TTC29: variants seen among roughly 807,000 people sequenced by gnomAD.
TTC29 encodes the protein tetratricopeptide repeat protein 29.
Under a neutral mutation model 58.1 loss-of-function variants are expected in TTC29, and 49 were observed. That is an observed-to-expected ratio of 0.84 (90% CI 0.67 to 1.07). The LOEUF (loss-of-function observed/expected upper bound fraction) is 1.07, where lower values mean the gene tolerates loss of function less well. Ranked by LOEUF, TTC29 falls within the 50% of genes least tolerant of loss-of-function variation. The probability of loss-of-function intolerance (pLI) is 0.00; values close to 1 mark genes in which losing one functional copy is unlikely to be tolerated. For synonymous variants in TTC29, 209 were observed against 196.8 expected (o/e 1.06, Z -0.52); for missense variants, 582 against 555.6 (o/e 1.05, Z -0.48).
At chr4:146,767,501 T>G (rs1337859932) in intron 11 of TTC29, among the ~76,000 whole-genome samples, 2 of 152,020 alleles carry the variant, frequency 1.3e-5, no homozygotes, top group African/African-American at 4.8e-5. Context: ...CAAAATGCCT[T>G]AATTTAGTGG....
intron 6 of TTC29, among the ~76,000 whole-genome samples, chr4:146,883,898 A>G (rs1189168066): frequency 6.6e-6 from 1 of 152,152 alleles, no homozygotes; most frequent in Non-Finnish European, 1.5e-5. Context: ...AAGCAATGAA[A>G]TAATTCATTT....
At chr4:146,937,784 A>G in intron 3 of TTC29, 107 bp from the exon 4 acceptor site, 1 of 588,682 alleles carries the variant, frequency 1.7e-6, no homozygotes. Context: ...GTATAATACC[A>G]TATGTAATAA....
rs554417225 is a variant in TTC29 at position 146,874,696 on chromosome 4, G to A, written c.799+20C>T. The A allele has an allele frequency of 1.0e-5, 16 of 1,565,402 alleles. No individual in the cohort carries two copies. In the South Asian group the frequency reaches 1.7e-4, roughly 17 times the overall value. On this transcript the variant is annotated intron_variant, in intron 7 of 12. Transcript: ENST00000325106. ...CTACCCATTAAAGAAAGCAATGTGA[G>A]AGAGTTCTTTTCCACCCACCTTCTT...
At chr4:146,768,861 C>T (rs1015063941) in intron 11 of TTC29, among the ~76,000 whole-genome samples, 1 of 151,842 alleles carries the variant, frequency 6.6e-6, no homozygotes, top group African/African-American at 2.4e-5. Context: ...TATTAATCCC[C>T]TTTATATTCA....
intron 10 of TTC29, among the ~76,000 whole-genome samples, chr4:146,804,013 G>A (rs1419227564): frequency 1.3e-5 from 2 of 152,190 alleles, no homozygotes; most frequent in Non-Finnish European, 1.5e-5. Flanking sequence ...CAACACAGAA[G>A]GCAGGTGATT....
intron 6 of TTC29, among the ~76,000 whole-genome samples, chr4:146,899,755 T>A (rs1433635556): frequency 1.3e-5 from 2 of 152,218 alleles, no homozygotes; most frequent in Non-Finnish European, 2.9e-5. Flanking sequence ...CTTCTGCTCA[T>A]GTTCCTCATT....
At chr4:146,797,018 T>G (rs1749878575) in intron 11 of TTC29, among the ~76,000 whole-genome samples, 1 of 151,984 alleles carries the variant, frequency 6.6e-6, no homozygotes, top group Admixed American at 6.5e-5. Context: ...AAGGTCAAAA[T>G]TAAAAACAAA....
intron 11 of TTC29, among the ~76,000 whole-genome samples, chr4:146,778,593 T>C (rs1268933873): frequency 6.6e-6 from 1 of 152,178 alleles, no homozygotes; most frequent in African/African-American, 2.4e-5. Context: ...CTGTATTAAG[T>C]ACATCATATT....
intron 6 of TTC29, among the ~76,000 whole-genome samples, chr4:146,891,054 G>A (rs979898603): frequency 2.4e-4 from 36 of 152,044 alleles, no homozygotes; most frequent in Admixed American, 2.1e-3. Flanking sequence ...AAACCAGACT[G>A]ACAACAGCAA....
Position 146,763,620 on chromosome 4 carries a change from T to C in TTC29, c.1330+39837A>G, listed in dbSNP as rs1214204311. On this transcript the variant is annotated intron_variant, in intron 11 of 12. Coordinates refer to ENST00000325106, the MANE Select transcript of TTC29 (RefSeq NM_031956.4). ...ATGAGCAGGTGTACTTATCTAATAA[T>C]GTTCAGATAGATTTAGTTAAATATC... 2.0e-5 allele frequency among the ~76,000 whole-genome samples: 3 copies of C among 152,170 alleles called. No homozygotes were observed. The East Asian group carries it at 5.8e-4, about 29-fold the overall frequency.
At chr4:146,888,159 G>A (rs7656258) in intron 6 of TTC29, among the ~76,000 whole-genome samples, 97,120 of 152,028 alleles carry the variant, frequency 0.64, 32,925 homozygotes, top group African/African-American at 0.86. Context: ...TTTAATCAAA[G>A]ACACAAGTCC....
At chr4:146,800,153 C>A (rs1448998735) in intron 11 of TTC29, among the ~76,000 whole-genome samples, 1 of 152,160 alleles carries the variant, frequency 6.6e-6, no homozygotes, top group Non-Finnish European at 1.5e-5. Flanking sequence ...TCAGGTCTAA[C>A]CATATCTAAG....
chr4:146,707,870 G>A (rs1258376785), intron 11 of TTC29, among the ~76,000 whole-genome samples: 1 of 152,078 alleles, frequency 6.6e-6, no homozygotes, highest in Middle Eastern at 3.2e-3. Flanking sequence ...GAGTTCTGGG[G>A]CTAGGTCCAT....
intron 8 of TTC29, among the ~76,000 whole-genome samples, chr4:146,841,067 T>C (rs905372352): frequency 1.3e-5 from 2 of 152,186 alleles, no homozygotes; most frequent in African/African-American, 4.8e-5. Context: ...ATTTAATTGT[T>C]GTGGAGAAGG....
chr4:146,891,502 A>G lies in TTC29; in HGVS notation c.586+12042T>C, dbSNP rs80132943. Among the ~76,000 whole-genome samples, 241 of 152,312 alleles carry G rather than the reference A, an allele frequency of 1.6e-3. 7 individuals are homozygous for G. In the East Asian group the frequency reaches 0.034, roughly 22 times the overall value. On this transcript the variant is annotated intron_variant, in intron 6 of 12. Coordinates refer to ENST00000325106, the MANE Select transcript of TTC29 (RefSeq NM_031956.4). ...TCTCATAGGAATATTATCTAAGTCA[A>G]TGCAGACAAACATATTTGTTGCTGT... is the stretch of plus-strand genomic sequence containing the variant.
intron 12 of TTC29, 109 bp downstream of exon 12, chr4:146,707,376 A>T: frequency 1.2e-6 from 1 of 840,424 alleles, no homozygotes; most frequent in Non-Finnish European, 1.9e-6. Flanking sequence ...TATTAAGGTT[A>T]TCAAGTGCTG....
At chr4:146,916,621 T>C (rs563452839) in intron 4 of TTC29, among the ~76,000 whole-genome samples, 1 of 151,662 alleles carries the variant, frequency 6.6e-6, no homozygotes, top group East Asian at 1.9e-4. Context: ...TATAAAAAGG[T>C]CTTTAAATTT....
chr4:146,934,643 C>A (rs1735631380), intron 4 of TTC29, among the ~76,000 whole-genome samples: 1 of 151,768 alleles, frequency 6.6e-6, no homozygotes, highest in Non-Finnish European at 1.5e-5. Flanking sequence ...AGGACCCAGC[C>A]TTTGGGCACC....
chr4:146,880,138 CA>C (rs536166631), intron 6 of TTC29, among the ~76,000 whole-genome samples: 243 of 152,214 alleles, frequency 1.6e-3, no homozygotes, highest in African/African-American at 5.6e-3. Context: ...TTGCCCTCCA[CA>C]AATACCCTTA....
Sources: gnomAD v4.1 joint callset for allele counts (sites outside exome capture counted in the v4.1 genomes callset) on GRCh38, gnomAD v4.1.1 for gene constraint, MANE v1.5 for transcripts, NCBI Gene and HGNC (gene_info 2026-07-23, HGNC 2026-07-21) for gene names.